Variants in PLEC observed in about 807,000 individuals in gnomAD.
PLEC encodes the protein plectin.
PLEC carries 216 observed loss-of-function variants against 392.8 expected under a neutral mutation model. That is an observed-to-expected ratio of 0.55 (90% CI 0.49 to 0.62). PLEC has a LOEUF of 0.62. Ranked by LOEUF, PLEC falls within the 20% of genes least tolerant of loss-of-function variation. The pLI is 0.00. For missense variants in PLEC, 6,863 were observed against 6,563.4 expected (o/e 1.05, Z -1.58); for synonymous variants, 3,621 against 2,980.6 (o/e 1.21, Z -7.00).
upstream of PLEC, chr8:143,943,632 A>G: frequency 4.2e-6 from 3 of 720,248 alleles, no homozygotes; most frequent in Non-Finnish European, 2.4e-6. Context: ...CAGGGTCTAC[A>G]CTGCAGGGTG....
chr8:143,970,556 C>A (rs1833373002), intron 1 of PLEC, among the ~76,000 whole-genome samples: 1 of 152,190 alleles, frequency 6.6e-6, no homozygotes, highest in Admixed American at 6.5e-5. Flanking sequence ...AGAGGTAATT[C>A]ACATGCCACA....
At position 143,918,337 on chromosome 8, in the gene PLEC, G is replaced by A. The variant is rs367762116; in HGVS notation, c.11484C>T (p.Tyr3828=). The A allele has an allele frequency of 8.2e-6, 13 of 1,583,232 alleles. No homozygotes were observed. Among genetic ancestry groups the A allele is most frequent in the Middle Eastern group, 1.7e-4 (1 of 6,042 alleles). The stretch of plus-strand genomic sequence containing the variant: ...GCTGGTCGTGCGTGTCCTTGTTGAG[G>A]TAGCCACGCTGGTAAGCCACCTCCA... ...LPLEVAYQRG[Y]LNKDTHDQLS... is the part of the protein sequence containing the mutation. Residue 3828 remains tyrosine (Y), a synonymous_variant, in exon 32 of 32, where the codon TAC becomes TAT. Transcript: ENST00000345136.
upstream of PLEC, chr8:143,943,846 A>G: frequency 6.2e-7 from 1 of 1,612,258 alleles, no homozygotes; most frequent in East Asian, 2.2e-5. Context: ...TGACAACGTG[A>G]CCCACAACCA....
intron 19 of PLEC, 91 bp from the exon 20 acceptor site, chr8:143,930,627 G>GC (rs1301548700): frequency 1.2e-5 from 17 of 1,374,508 alleles, no homozygotes; most frequent in Non-Finnish European, 1.5e-5. Flanking sequence ...GGCCTGTGGG[G>GC]CCCTCCTGAT....
chr8:143,935,383 C>A, intron 6 of PLEC, 70 bp from the exon 7 acceptor site: 1 of 1,035,186 alleles, frequency 9.7e-7, no homozygotes, highest in Non-Finnish European at 1.5e-6. Flanking sequence ...GGCGGGTGCA[C>A]AGGCCGGCTC....
upstream of PLEC, among the ~76,000 whole-genome samples, chr8:143,939,784 C>T (rs1830093024): frequency 2.0e-5 from 3 of 151,886 alleles, no homozygotes; most frequent in Admixed American, 6.6e-5. Flanking sequence ...TCACCCACCC[C>T]GACCACTGCA....
upstream of PLEC, chr8:143,939,737 G>A (rs1395497409): frequency 1.0e-5 from 11 of 1,069,678 alleles, 1 homozygote; most frequent in Admixed American, 3.3e-5. Flanking sequence ...CCACAGACAC[G>A]CCCTCGGCCC....
Position 143,924,088 on chromosome 8 carries a change from C to T in PLEC, c.5841G>A (p.Glu1947=). ...AAAGKAELEL[E]LGRIRSNAED... is the part of the protein sequence containing the mutation. The stretch of plus-strand genomic sequence containing the variant: ...CCGCGTTGCTGCGGATGCGTCCCAG[C>T]TCCAGCTCCAGCTCCGCCTTGCCAG... The change falls in exon 31 of 32, where the codon GAG becomes GAA. Residue 1947 remains glutamate, a synonymous_variant. Coordinates refer to ENST00000345136, the MANE Select transcript of PLEC (RefSeq NM_201384.3). 2 of 1,598,092 alleles carry T rather than the reference C, an allele frequency of 1.3e-6. No homozygotes were observed. The highest frequency in any genetic ancestry group is 8.5e-7 in the Non-Finnish European group (1 of 1,179,202).
chr8:143,928,429 G>T (rs1237905274), intron 25 of PLEC, among the ~76,000 whole-genome samples: 1 of 152,148 alleles, frequency 6.6e-6, no homozygotes, highest in Non-Finnish European at 1.5e-5. Context: ...GTTCTGTGAG[G>T]AGTAGACAGC....
chr8:143,930,147 G>C lies in PLEC; in HGVS notation c.2609C>G (p.Thr870Ser). The change falls in exon 21 of 32, where the codon ACC becomes AGC. Residue 870 changes from threonine (T) to serine (S), a missense_variant. Coordinates refer to ENST00000345136, the MANE Select transcript of PLEC (RefSeq NM_201384.3). The stretch of plus-strand genomic sequence containing the variant: ...CTGCTGAGCCCCCGCCACCCACCTG[G>C]TGACGGCCTCCTGGGCCTCCTGGTT... ...PPNQEAQEAVTRLEAQHQALV... is the reference protein window; with the variant it reads ...PPNQEAQEAVSRLEAQHQALV... 1.3e-6 allele frequency: 2 copies of C among 1,584,744 alleles called. No individual in the cohort carries two copies. Among genetic ancestry groups the C allele is most frequent in the Non-Finnish European group, 1.7e-6 (2 of 1,171,400 alleles).
chr8:143,944,686 C>T (rs139418275), intron 1 of PLEC: 14 of 1,323,378 alleles, frequency 1.1e-5, no homozygotes, highest in East Asian at 2.8e-5. Flanking sequence ...CAGGAGCCCA[C>T]GGGGCAGACG....
rs551989234 is a variant in PLEC at position 143,972,795 on chromosome 8, G to A, written c.70+608C>T. Among the ~76,000 whole-genome samples the A allele has an allele frequency of 1.1e-4, 17 of 152,340 alleles. No homozygotes were observed. In the South Asian group the frequency reaches 1.7e-3, roughly 15 times the overall value. On this transcript the variant is annotated intron_variant, in intron 1 of 31. Transcript: ENST00000356346. ...GGGCTCCCCGTGGGCGTGGACTAGG[G>A]CAAGGGGGTCTGCCGAGGCATCAAG... is the stretch of plus-strand genomic sequence containing the variant.
intron 1 of PLEC, 137 bp from the exon 2 acceptor site, chr8:143,938,829 T>G (rs1554726069): frequency 1.3e-6 from 1 of 770,628 alleles, no homozygotes; most frequent in Non-Finnish European, 2.3e-6. Context: ...GATCACACAC[T>G]GAGACCCAGG....
chr8:143,962,792 T>A (rs1554741225), intron 1 of PLEC, among the ~76,000 whole-genome samples: 2 of 152,066 alleles, frequency 1.3e-5, no homozygotes. Context: ...CCAAGCAAAG[T>A]GTGGAAGGTG....
upstream of PLEC, chr8:143,942,507 C>G: frequency 6.3e-7 from 1 of 1,576,410 alleles, no homozygotes; most frequent in Non-Finnish European, 8.6e-7. Flanking sequence ...CGCCCCCCGC[C>G]CCCGACATGC....
rs373397279 is a variant in PLEC at position 143,920,602 on chromosome 8, G to T, written c.9219C>A (p.Ser3073Arg). Reference protein sequence around the residue: ...GTGHIIDPATSARLTVDEAVR... With the variant: ...GTGHIIDPATRARLTVDEAVR... ...CTGCCTCGTCCACGGTCAGCCGGGC[G>T]CTGGTGGCGGGGTCGATGATGTGCC... Residue 3073 changes from serine (S) to arginine (R), a missense_variant, in exon 32 of 32, where the codon AGC becomes AGA. Physicochemically the swap from Ser to Arg is moderately radical, Grantham distance 110. Coordinates refer to ENST00000345136, the MANE Select transcript of PLEC (RefSeq NM_201384.3). The T allele has an allele frequency of 1.2e-6, 2 of 1,609,146 alleles. No individual in the cohort carries two copies. Among genetic ancestry groups the T allele is most frequent in the African/African-American group, 1.3e-5 (1 of 74,934 alleles).
chr8:143,937,034 T>C lies in PLEC; in HGVS notation c.380A>G (p.Asp127Gly). The C allele has an allele frequency of 4.3e-6, 7 of 1,613,000 alleles. No individual in the cohort carries two copies. The highest frequency in any genetic ancestry group is 5.9e-6 in the Non-Finnish European group (7 of 1,179,810). The change falls in exon 5 of 32, where the codon GAC becomes GGC. Residue 127 changes from aspartate to glycine, a missense_variant. Asp to Gly is a moderately conservative substitution (Grantham distance 94). Transcript: ENST00000345136. ...GCCAAGGGTCAGCTTGGGGTTGCCG[T>C]CAGCGATGTCATCATTCCTGATGTT... Reference protein sequence around the residue: ...LVNIRNDDIADGNPKLTLGLI... With the variant: ...LVNIRNDDIAGGNPKLTLGLI...
intron 1 of PLEC, among the ~76,000 whole-genome samples, chr8:143,946,914 C>T (rs1831559672): frequency 6.6e-6 from 1 of 152,134 alleles, no homozygotes; most frequent in African/African-American, 2.4e-5. Flanking sequence ...TCCTCCCCAA[C>T]CAGCACAGCC....
In PLEC at chr8:143,920,039, T is replaced by C; in HGVS notation, c.9782A>G (p.Tyr3261Cys). 1.2e-6 allele frequency: 2 copies of C among 1,613,300 alleles called. No individual in the cohort carries two copies. The highest frequency in any genetic ancestry group is 1.7e-6 in the Non-Finnish European group (2 of 1,180,020). The change falls in exon 32 of 32, where the codon TAC (tyrosine) becomes TGC (cysteine). Residue 3261 changes from tyrosine to cysteine, a missense_variant. Tyr to Cys is a radical substitution (Grantham distance 194). Transcript: ENST00000345136. ...VTVWELISSE[Y>C]FTAEQRQELL... ...CTCCTGCCGCTGCTCCGCAGTGAAG[T>C]ACTCAGAGCTGATGAGCTCCCACAC...
Sources: allele counts gnomAD v4.1 joint callset (sites outside exome capture counted in the v4.1 genomes callset), GRCh38; gene constraint gnomAD v4.1.1; transcripts MANE v1.5; gene names NCBI Gene and HGNC (gene_info 2026-07-23, HGNC 2026-07-21).